Variants in MAN2A2 observed in about 807,000 individuals in gnomAD.
MAN2A2 encodes alpha-mannosidase 2x.
A neutral mutation model predicts 126.8 loss-of-function variants in MAN2A2; 79 were observed. That is an observed-to-expected ratio of 0.62 (90% CI 0.52 to 0.75). The LOEUF (loss-of-function observed/expected upper bound fraction) is 0.75. Among genes scored for constraint, MAN2A2 ranks in the 30% least tolerant of loss-of-function variants. MAN2A2 has a pLI of 0.00. For synonymous variants in MAN2A2, 671 were observed against 618.7 expected (o/e 1.08, Z -1.25); for missense variants, 1,392 against 1,522.4 (o/e 0.91, Z 1.43).
Position 90,906,428 on chromosome 15 carries a change from G to T in MAN2A2, c.766G>T (p.Ala256Ser). ...AGGAGGCTGGGTGATGCCAGATGAG[G>T]CCAATTCCCACTACTTTGCATTGAT... is the stretch of plus-strand genomic sequence containing the variant. ...ATGGWVMPDE[A>S]NSHYFALIDQ... Residue 256 changes from alanine to serine, a missense_variant, in exon 6 of 23, where the codon GCC (alanine) becomes TCC (serine). Physicochemically the swap from Ala to Ser is moderately conservative, Grantham distance 99. Coordinates refer to ENST00000559717, the MANE Select transcript of MAN2A2 (RefSeq NM_006122.4). 1 of 1,614,160 alleles carries T rather than the reference G, an allele frequency of 6.2e-7. No homozygotes were observed. The highest frequency in any genetic ancestry group is 8.5e-7 in the Non-Finnish European group (1 of 1,179,988).
Position 90,913,279 on chromosome 15 carries a change from A to T in MAN2A2, c.2591A>T (p.Glu864Val). 6.2e-7 allele frequency: 1 copy of T among 1,613,936 alleles called. No individual in the cohort carries two copies. The highest frequency in any genetic ancestry group is 8.5e-7 in the Non-Finnish European group (1 of 1,179,944). Residue 864 changes from glutamate (E) to valine (V), a missense_variant, in exon 18 of 23, where the codon GAG (glutamate) becomes GTG (valine). Coordinates refer to ENST00000559717, the MANE Select transcript of MAN2A2 (RefSeq NM_006122.4). ...AVRLYNLPGVEGLSLDISSLV... is the reference protein window; with the variant it reads ...AVRLYNLPGVVGLSLDISSLV... ...ACTTTGTTCCTGTACCCAGGGGTGG[A>T]GGGGCTGTCTCTGGACATATCATCC...
intron 5 of MAN2A2, among the ~76,000 whole-genome samples, 165 bp downstream of exon 5, chr15:90,906,181 C>T (rs1472471729): frequency 2.0e-5 from 3 of 152,058 alleles, no homozygotes; most frequent in Non-Finnish European, 2.9e-5. Flanking sequence ...AGATAGGTTC[C>T]GAGATAAGCG....
At chr15:90,911,984 C>T (rs1164513921) in intron 14 of MAN2A2, 59 bp from the exon 15 acceptor site, 3 of 1,438,998 alleles carry the variant, frequency 2.1e-6, no homozygotes, top group Non-Finnish European at 2.9e-6. Flanking sequence ...AAGCGGATGC[C>T]TCAGCACCCC....
chr15:90,906,795 GCCTTA>G lies in MAN2A2; in HGVS notation c.895_899del (p.Tyr299AlafsTer55). 1 of 1,613,834 alleles carries G rather than the reference GCCTTA, an allele frequency of 6.2e-7. No individual in the cohort carries two copies. The highest frequency in any genetic ancestry group is 1.1e-5 in the South Asian group (1 of 91,088). ...ACCCCTTTGGATACAGCTCCACCAT[GCCTTA>G]CCTGCTGCGCCGTGCCAACCTCACC... On this transcript the variant is annotated frameshift_variant, in exon 7 of 23. Transcript: ENST00000559717. LOFTEE classifies it high-confidence loss of function.
At chr15:90,905,203 C>T in intron 2 of MAN2A2, 48 bp from the exon 3 acceptor site, 2 of 1,593,316 alleles carry the variant, frequency 1.3e-6, no homozygotes, top group South Asian at 1.1e-5. Flanking sequence ...AGAGACCCTC[C>T]CTGTGGCATA....
At position 90,907,455 on chromosome 15, in the gene MAN2A2, G is replaced by A. The variant is rs2034389357; in HGVS notation, c.1156G>A (p.Val386Met). The A allele has an allele frequency of 3.1e-6, 5 of 1,613,588 alleles. No individual in the cohort carries two copies. Among genetic ancestry groups the A allele is most frequent in the Non-Finnish European group, 4.2e-6 (5 of 1,180,020 alleles). ...TGGGCGCATCAACTGCCCTTGGAAG[G>A]TGCCACCCCGGGCCATCACAGAGGC... The part of the protein sequence containing the change: ...PGGRINCPWK[V>M]PPRAITEANV... The change falls in exon 8 of 23, where the codon GTG becomes ATG. Residue 386 changes from valine (V) to methionine (M), a missense_variant. By Grantham distance (21) the Val-to-Met change is conservative. Coordinates refer to ENST00000559717, the MANE Select transcript of MAN2A2 (RefSeq NM_006122.4).
upstream of MAN2A2, chr15:90,902,397 GGGC>G (rs2033916786): frequency 6.6e-6 from 1 of 152,260 alleles, no homozygotes; most frequent in Non-Finnish European, 1.5e-5. Context: ...TTTGCCCGAG[GGGC>G]GCAACGACAG....
upstream of MAN2A2, chr15:90,903,193 GCAGGTGCCTGC>G (rs2033977158): frequency 6.6e-6 from 1 of 152,398 alleles, no homozygotes; most frequent in South Asian, 2.1e-4. Flanking sequence ...AGACCTGGCG[GCAGGTGCCTGC>G]CCTCTGTGAT....
chr15:90,912,461 G>A, intron 15 of MAN2A2, 81 bp from the exon 16 acceptor site: 1 of 1,596,244 alleles, frequency 6.3e-7, no homozygotes, highest in Non-Finnish European at 8.5e-7. Context: ...GGCTCCTTGG[G>A]GAAGCTATTC....
intron 19 of MAN2A2, among the ~76,000 whole-genome samples, chr15:90,913,967 C>G (rs536370160): frequency 2.0e-5 from 3 of 152,318 alleles, no homozygotes; most frequent in Admixed American, 1.3e-4. Context: ...GTGTAGGCAA[C>G]TGGGTGGAGT....
intron 19 of MAN2A2, 131 bp from the exon 20 acceptor site, chr15:90,915,992 C>A (rs897905682): frequency 1.9e-6 from 2 of 1,037,422 alleles, no homozygotes; most frequent in Non-Finnish European, 2.8e-6. Flanking sequence ...CGTGACCTCT[C>A]CTGAGTGACT....
chr15:90,905,181 T>C, intron 2 of MAN2A2, 70 bp from the exon 3 acceptor site: 1 of 1,547,564 alleles, frequency 6.5e-7, no homozygotes, highest in Non-Finnish European at 8.7e-7. Context: ...CCTCAGCTGG[T>C]AGACCCCAAG....
At chr15:90,908,584 AT>A (rs10532338) in intron 8 of MAN2A2, among the ~76,000 whole-genome samples, 18,204 of 144,500 alleles carry the variant, frequency 0.13, 1,516 homozygotes, top group African/African-American at 0.25. Flanking sequence ...ATTTAATTTA[AT>A]TTTTTTTTTT....
chr15:90,913,390 A>G lies in MAN2A2; in HGVS notation c.2702A>G (p.Asp901Gly), dbSNP rs1423632519. 2 of 1,591,682 alleles carry G rather than the reference A, an allele frequency of 1.3e-6. No individual in the cohort carries two copies. The highest frequency in any genetic ancestry group is 1.3e-5 in the African/African-American group (1 of 74,286). ...DIDSQGIFFT[D>G]LNGFQVQPRR... ...GACAGCCAGGGTATCTTCTTCACAG[A>G]CCTCAATGGCTTTCAGGTGACTCCT... The change falls in exon 18 of 23, where the codon GAC (aspartate) becomes GGC (glycine). Residue 901 changes from aspartate to glycine, a missense_variant. Coordinates refer to ENST00000559717, the MANE Select transcript of MAN2A2 (RefSeq NM_006122.4).
chr15:90,906,751 C>A lies in MAN2A2; in HGVS notation c.847C>A (p.Arg283Ser), dbSNP rs774005855. ...WLERNLGATP[R>S]SGWAVDPFGY... is the part of the protein sequence containing the mutation. ...CATGCCCTGCCCAGGTGCAACCCCCCGCTCTGGCTGGGCAGTGGACCCCTT... is the reference window on the plus strand; with the variant it reads ...CATGCCCTGCCCAGGTGCAACCCCCAGCTCTGGCTGGGCAGTGGACCCCTT... The change falls in exon 7 of 23, where the codon CGC (arginine) becomes AGC (serine). Residue 283 changes from arginine to serine, a missense_variant. Coordinates refer to ENST00000559717, the MANE Select transcript of MAN2A2 (RefSeq NM_006122.4). 36 of 1,612,148 alleles carry A rather than the reference C, an allele frequency of 2.2e-5. No homozygotes were observed. The highest frequency in any genetic ancestry group is 2.0e-4 in the Admixed American group (12 of 59,984).
In MAN2A2 at chr15:90,912,148, C is replaced by T; in HGVS notation, c.2215C>T (p.His739Tyr). The change falls in exon 15 of 23, where the codon CAC becomes TAC. Residue 739 changes from histidine (H) to tyrosine (Y), a missense_variant. His to Tyr is a moderately conservative substitution (Grantham distance 83). Transcript: ENST00000559717. The stretch of plus-strand genomic sequence containing the variant: ...GCCCTCCTCTGTGCGCATCTACCTG[C>T]ACGGCCGGCAGCTGTCCGTCAGCAG... ...TLPSSVRIYL[H>Y]GRQLSVSRHE... is the part of the protein sequence containing the mutation. The T allele has an allele frequency of 6.2e-7, 1 of 1,613,932 alleles. No homozygotes were observed. The highest frequency in any genetic ancestry group is 8.5e-7 in the Non-Finnish European group (1 of 1,179,958).
Position 90,912,987 on chromosome 15 carries a change from GC to G in MAN2A2, c.2582del (p.Pro861GlnfsTer53), listed in dbSNP as rs2034882983. ...ACCAGGCGGTCCGGCTTTACAATCT[GC>G]CAGGTGAGCCCTGCATATGAGGAAG... Reference protein sequence around the residue: ...IHQAVRLYNLPGVEGLSLDIS... With the variant: ...IHQAVRLYNLXGVEGLSLDIS... On this transcript the variant is annotated frameshift_variant, in exon 17 of 23. Coordinates refer to ENST00000559717, the MANE Select transcript of MAN2A2 (RefSeq NM_006122.4). LOFTEE classifies it high-confidence loss of function. The G allele has an allele frequency of 6.2e-7, 1 of 1,612,670 alleles. No homozygotes were observed. The highest frequency in any genetic ancestry group is 1.3e-5 in the African/African-American group (1 of 75,000).
At position 90,916,114 on chromosome 15, in the gene MAN2A2, C is replaced by T. The variant is rs1262105004; in HGVS notation, c.2861-9C>T. 1 of 1,613,582 alleles carries T rather than the reference C, an allele frequency of 6.2e-7. No individual in the cohort carries two copies. Among genetic ancestry groups the T allele is most frequent in the Non-Finnish European group, 8.5e-7 (1 of 1,179,782 alleles). ...GGGGCGGGCCAGCACTCACTGTTTG[C>T]TTCCCCAGGCCAGCTGGAGGTGATC... On this transcript the variant is annotated splice_polypyrimidine_tract_variant and intron_variant, in intron 19 of 22. Transcript: ENST00000559717.
At chr15:90,918,143 C>A in intron 20 of MAN2A2, 51 bp from the exon 21 acceptor site, 1 of 1,546,214 alleles carries the variant, frequency 6.5e-7, no homozygotes, top group East Asian at 2.3e-5. Context: ...CTCGTCCTCT[C>A]CCCTCAGCCT....
Sources: allele counts gnomAD v4.1 joint callset (sites outside exome capture counted in the v4.1 genomes callset), GRCh38; gene constraint gnomAD v4.1.1; transcripts MANE v1.5; gene names NCBI Gene and HGNC (gene_info 2026-07-23, HGNC 2026-07-21).